Variants in TSPAN7 observed in about 807,000 individuals in gnomAD.
TSPAN7 encodes the protein tetraspanin 7.
Under a neutral mutation model 17.6 loss-of-function variants are expected in TSPAN7, and 1 was observed. The ratio of observed to expected loss-of-function variants is 0.06; its 90% CI spans 0.02 to 0.27. The LOEUF is 0.27. Ranked by LOEUF, TSPAN7 falls within the 10% of genes least tolerant of loss-of-function variation. The pLI is 1.00. For synonymous variants in TSPAN7, 78 were observed against 79.0 expected (o/e 0.99, Z 0.07); for missense variants, 112 against 201.7 (o/e 0.56, Z 2.69).
intron 6 of TSPAN7, among the ~76,000 whole-genome samples, chrX:38,685,285 T>C (rs966499207): frequency 1.3e-4 from 15 of 111,751 alleles, no homozygotes; most frequent in Admixed American, 6.6e-4. Flanking sequence ...AGTTTTCTTA[T>C]CTGGAAAACT....
At chrX:38,625,418 T>G (rs2069516745) in intron 1 of TSPAN7, among the ~76,000 whole-genome samples, 1 of 111,305 alleles carries the variant, frequency 9.0e-6, no homozygotes, top group Non-Finnish European at 1.9e-5. Context: ...TGGGTTCTAG[T>G]TGATAATGAA....
At chrX:38,563,107 C>G (rs1445835796) in intron 1 of TSPAN7, 2 of 970,061 alleles carry the variant, frequency 2.1e-6, no homozygotes, top group Non-Finnish European at 2.6e-6. Context: ...ATTTCCTTAT[C>G]GCTGGCGTTG....
At chrX:38,673,358 T>C (rs1273136225) in intron 3 of TSPAN7, among the ~76,000 whole-genome samples, 1 of 105,764 alleles carries the variant, frequency 9.5e-6, no homozygotes, top group Non-Finnish European at 1.9e-5. Flanking sequence ...GAAAAGGTTT[T>C]GTTAACTTTT....
At chrX:38,580,593 C>G (rs887276370) in intron 1 of TSPAN7, among the ~76,000 whole-genome samples, 3 of 111,863 alleles carry the variant, frequency 2.7e-5, no homozygotes, top group African/African-American at 9.8e-5. Flanking sequence ...AGTTAACTGT[C>G]TTAGGTTATT....
chrX:38,655,940 G>C (rs1165342965), intron 1 of TSPAN7: 5 of 303,962 alleles, frequency 1.6e-5, no homozygotes, highest in Non-Finnish European at 2.6e-5. Context: ...TGAGAAAGAA[G>C]TGTGCCACTG....
chrX:38,645,617 G>C (rs1368845228), intron 1 of TSPAN7, among the ~76,000 whole-genome samples: 1 of 111,615 alleles, frequency 9.0e-6, no homozygotes, highest in African/African-American at 3.3e-5. Flanking sequence ...AGGAGGGGCT[G>C]TGCAGAAAGT....
At chrX:38,651,514 T>A (rs938100333) in intron 1 of TSPAN7, among the ~76,000 whole-genome samples, 26 of 111,663 alleles carry the variant, frequency 2.3e-4, no homozygotes, top group African/African-American at 8.1e-4. Context: ...TTAAGCACAT[T>A]TAGAAGAGGA....
chrX:38,604,321 T>C (rs6610161), intron 1 of TSPAN7, among the ~76,000 whole-genome samples: 21 of 106,572 alleles, frequency 2.0e-4, no homozygotes, highest in South Asian at 4.3e-4. Context: ...TGAATAGTGC[T>C]GCAATAAACA....
intron 1 of TSPAN7, among the ~76,000 whole-genome samples, chrX:38,595,077 C>T (rs146122359): frequency 0.013 from 1,420 of 111,164 alleles, 17 homozygotes; most frequent in African/African-American, 0.042. Context: ...CTATTTTTAA[C>T]GAATAATCTT....
At chrX:38,651,396 C>T (rs1221193322) in intron 1 of TSPAN7, among the ~76,000 whole-genome samples, 1 of 111,314 alleles carries the variant, frequency 9.0e-6, no homozygotes, top group East Asian at 2.8e-4. Context: ...ACCCGGGAGC[C>T]GAAGCTTGCA....
At chrX:38,561,874 G>A (rs1365799230) in intron 1 of TSPAN7, among the ~76,000 whole-genome samples, 1 of 110,543 alleles carries the variant, frequency 9.0e-6, no homozygotes, top group African/African-American at 3.3e-5. Context: ...ACTGCAGGTT[G>A]TCGACCTTCC....
chrX:38,659,488 G>C (rs2069727894), intron 1 of TSPAN7, among the ~76,000 whole-genome samples: 2 of 111,567 alleles, frequency 1.8e-5, no homozygotes, highest in African/African-American at 6.5e-5. Flanking sequence ...TGTTAGAGCT[G>C]GGAGGGAAGC....
chrX:38,632,409 A>G (rs2069556119), intron 1 of TSPAN7, among the ~76,000 whole-genome samples: 1 of 112,435 alleles, frequency 8.9e-6, no homozygotes, highest in Non-Finnish European at 1.9e-5. Context: ...AAAAAATTGA[A>G]TCACTAAAAT....
chrX:38,650,210 C>T (rs1455962380), intron 1 of TSPAN7, among the ~76,000 whole-genome samples: 2 of 112,283 alleles, frequency 1.8e-5, no homozygotes, highest in African/African-American at 6.5e-5. Flanking sequence ...TACAGGATGC[C>T]CATGGCCCTC....
intron 1 of TSPAN7, among the ~76,000 whole-genome samples, chrX:38,627,079 A>C (rs2069526731): frequency 8.9e-6 from 1 of 112,320 alleles, no homozygotes; most frequent in Non-Finnish European, 1.9e-5. Flanking sequence ...GCCTTTGCTA[A>C]CATCTAATTA....
At position 38,568,783 on chromosome X, in the gene TSPAN7, T is replaced by A. The variant is rs376454521; in HGVS notation, c.81+7156T>A. Among the ~76,000 whole-genome samples the A allele has an allele frequency of 7.8e-4, 87 of 111,020 alleles. 1 individual carries two copies. In the South Asian group the frequency reaches 0.032, roughly 41 times the overall value. On this transcript the variant is annotated intron_variant, in intron 1 of 7. Transcript: ENST00000378482. ...TATTTGGATGTTGGACCTCCTAGAC[T>A]AATCCTCTAATTTTCTCCCCTTCTA...
At chrX:38,678,767 T>G (rs1338274426) in intron 5 of TSPAN7, among the ~76,000 whole-genome samples, 1 of 112,696 alleles carries the variant, frequency 8.9e-6, no homozygotes, top group Non-Finnish European at 1.9e-5. Flanking sequence ...TATGATTCAT[T>G]AACTTGCTTT....
intron 2 of TSPAN7, among the ~76,000 whole-genome samples, chrX:38,668,173 C>G (rs773099210): frequency 1.4e-3 from 162 of 112,134 alleles, no homozygotes; most frequent in Middle Eastern, 4.6e-3. Flanking sequence ...CCTCCTTGGA[C>G]CTTTGTCTCC....
In TSPAN7 at chrX:38,591,889, A is replaced by G. The variant is rs945579662; in HGVS notation, c.81+30262A>G. 8.9e-5 allele frequency among the ~76,000 whole-genome samples: 10 copies of G among 112,194 alleles called. No homozygotes were observed. In the Admixed American group the frequency reaches 9.5e-4, roughly 11 times the overall value. On this transcript the variant is annotated intron_variant, in intron 1 of 7. Transcript: ENST00000378482. ...TGTATTAATCTGTTATCGCACTGCT[A>G]TAAAGAACTACCTGAGACTGAGTAA...
Sources: gnomAD v4.1 joint callset for allele counts (sites outside exome capture counted in the v4.1 genomes callset) on GRCh38, gnomAD v4.1.1 for gene constraint, MANE v1.5 for transcripts, NCBI Gene and HGNC (gene_info 2026-07-23, HGNC 2026-07-21) for gene names.